Variants in TENM2 observed in about 807,000 individuals in gnomAD.
TENM2 encodes teneurin-2.
TENM2 carries 52 observed loss-of-function variants against 245.2 expected under a neutral mutation model. That is an observed-to-expected ratio of 0.21 (90% CI 0.17 to 0.27). TENM2 has a LOEUF of 0.27. TENM2 is among the 10% of genes least tolerant of loss of function. The pLI is 1.00. For synonymous variants in TENM2, 1,363 were observed against 1,438.9 expected (o/e 0.95, Z 1.19); for missense variants, 3,046 against 3,666.8 (o/e 0.83, Z 4.37).
intron 2 of TENM2, among the ~76,000 whole-genome samples, chr5:167,612,357 A>G (rs1777530101): frequency 6.6e-6 from 1 of 152,054 alleles, no homozygotes; most frequent in South Asian, 2.1e-4. Context: ...ACCCCCAAAG[A>G]TAAGTTAATG....
intron 2 of TENM2, among the ~76,000 whole-genome samples, chr5:167,435,975 CTTTTTTTTTT>C (rs71591181): frequency 6.5e-4 from 54 of 83,140 alleles, no homozygotes; most frequent in African/African-American, 2.5e-3. Flanking sequence ...CTTTTTTTTT[CTTTTTTTTTT>C]TTTTTTTTTT....
intron 2 of TENM2, among the ~76,000 whole-genome samples, chr5:167,828,694 A>G (rs1472573374): frequency 6.6e-6 from 1 of 152,236 alleles, no homozygotes; most frequent in African/African-American, 2.4e-5. Context: ...TCTGATGACT[A>G]AAATATAATT....
intron 2 of TENM2, among the ~76,000 whole-genome samples, chr5:167,705,048 T>A (rs1287923047): frequency 6.6e-6 from 1 of 152,146 alleles, no homozygotes; most frequent in African/African-American, 2.4e-5. Flanking sequence ...TTGCTTTGAG[T>A]TTGCAGGAAT....
At chr5:167,848,521 G>T (rs151313688) in intron 2 of TENM2, among the ~76,000 whole-genome samples, 1 of 152,178 alleles carries the variant, frequency 6.6e-6, no homozygotes, top group African/African-American at 2.4e-5. Flanking sequence ...GCCAAATGAG[G>T]CCAGTGGGCT....
intron 5 of TENM2, among the ~76,000 whole-genome samples, chr5:168,043,709 C>T (rs1788388150): frequency 1.3e-5 from 2 of 152,180 alleles, no homozygotes; most frequent in Admixed American, 1.3e-4. Flanking sequence ...TGTCTTCATA[C>T]ATGCTGTATT....
chr5:167,024,596 A>T, the TENM2 span, among the ~76,000 whole-genome samples: 4 of 152,298 alleles, frequency 2.6e-5, no homozygotes, highest in South Asian at 8.3e-4. Context: ...GAATGCAGCC[A>T]TCCATGTAGG....
rs73803262 is a variant in TENM2, at chr5:167,887,732, C to T, written c.712+11537C>T. Among the ~76,000 whole-genome samples the T allele has an allele frequency of 1.8e-3, 269 of 152,286 alleles. 2 individuals are homozygous for T. Among genetic ancestry groups the T allele is most frequent in the African/African-American group, 5.7e-3 (238 of 41,562 alleles). On this transcript the variant is annotated intron_variant, in intron 3 of 28. Transcript: ENST00000518659. Reference sequence around the variant, plus strand: ...CAGCTACAATCCTAGGGAATGCATGCGCTTAGTGTATGGATTCATTTGCTG... The same window carrying T: ...CAGCTACAATCCTAGGGAATGCATGTGCTTAGTGTATGGATTCATTTGCTG...
intron 3 of TENM2, among the ~76,000 whole-genome samples, chr5:167,940,615 G>T (rs1779100753): frequency 6.6e-6 from 1 of 152,172 alleles, no homozygotes; most frequent in Admixed American, 6.5e-5. Flanking sequence ...ATAGGAGCCT[G>T]CTTGGCCGGT....
intron 12 of TENM2, among the ~76,000 whole-genome samples, chr5:168,144,329 C>A (rs971401631): frequency 2.0e-5 from 3 of 152,062 alleles, no homozygotes; most frequent in Non-Finnish European, 4.4e-5. Flanking sequence ...ATCCCTCCCC[C>A]CTACCCCCAC....
chr5:167,375,836 A>G lies in TENM2; in HGVS notation c.502+363A>G, dbSNP rs80342849. ...TGTATTGATTTCCCCTTCCCAGTAA[A>G]TGGAAACCTGGGTTATTTTTTTTCG... On this transcript the variant is annotated intron_variant, in intron 2 of 28. Coordinates refer to ENST00000518659, the Ensembl canonical transcript of TENM2. 5.8e-3 allele frequency among the ~76,000 whole-genome samples: 877 copies of G among 152,212 alleles called. 10 individuals are homozygous for G. The highest frequency in any genetic ancestry group is 0.02 in the African/African-American group (842 of 41,518).
chr5:167,746,697 G>GAGAGAGAGAT (rs1761596922), intron 2 of TENM2, among the ~76,000 whole-genome samples: 1 of 148,504 alleles, frequency 6.7e-6, no homozygotes, highest in Non-Finnish European at 1.5e-5. Flanking sequence ...GAGAGAGAGA[G>GAGAGAGAGAT]AGAGAGAGAG....
chr5:167,217,611 C>CTGCA, the TENM2 span, among the ~76,000 whole-genome samples: 1 of 151,598 alleles, frequency 6.6e-6, no homozygotes, highest in Non-Finnish European at 1.5e-5. Context: ...ATTCCTAGCG[C>CTGCA]TGCAGTGTTT....
chr5:167,668,798 A>AT (rs1263456607), intron 2 of TENM2, among the ~76,000 whole-genome samples: 3 of 152,092 alleles, frequency 2.0e-5, no homozygotes, highest in African/African-American at 7.2e-5. Flanking sequence ...CTATAAAAAT[A>AT]CAAAAATTAG....
At chr5:167,185,577 G>A in the TENM2 span, among the ~76,000 whole-genome samples, 1 of 151,930 alleles carries the variant, frequency 6.6e-6, no homozygotes, top group Non-Finnish European at 1.5e-5. Context: ...TAACCCATCA[G>A]CGATCACTAT....
intron 2 of TENM2, among the ~76,000 whole-genome samples, chr5:167,388,629 G>A (rs531749353): frequency 1.3e-5 from 2 of 151,932 alleles, no homozygotes; most frequent in African/African-American, 2.4e-5. Context: ...ACTTTTTGAT[G>A]TAGGCATTTA....
chr5:167,944,802 G>T (rs1405464861), intron 3 of TENM2, among the ~76,000 whole-genome samples: 1 of 152,200 alleles, frequency 6.6e-6, no homozygotes, highest in Non-Finnish European at 1.5e-5. Context: ...ACACTGAAAT[G>T]TATACTTTTA....
At chr5:167,682,011 CAA>C (rs1265551801) in intron 2 of TENM2, among the ~76,000 whole-genome samples, 2 of 151,898 alleles carry the variant, frequency 1.3e-5, no homozygotes, top group East Asian at 1.9e-4. Context: ...AGCACACACA[CAA>C]AGAGAGAATG....
chr5:168,206,706 T>C (rs997970092), intron 19 of TENM2, among the ~76,000 whole-genome samples: 4 of 152,188 alleles, frequency 2.6e-5, no homozygotes, highest in African/African-American at 7.2e-5. Context: ...GTTTGCTTTT[T>C]TTAATCCTAG....
intron 2 of TENM2, among the ~76,000 whole-genome samples, chr5:167,799,755 C>T (rs948641110): frequency 1.3e-5 from 2 of 152,078 alleles, no homozygotes; most frequent in Admixed American, 1.3e-4. Flanking sequence ...ATTTCAGGTC[C>T]CTAAAGGCAA....
Sources: gnomAD v4.1 joint callset for allele counts (sites outside exome capture counted in the v4.1 genomes callset) on GRCh38, gnomAD v4.1.1 for gene constraint, MANE v1.5 for transcripts, NCBI Gene and HGNC (gene_info 2026-07-23, HGNC 2026-07-21) for gene names.